The following IREB2 variants were observed in gnomAD, a reference collection of about 807,000 sequenced individuals.
IREB2 encodes iron-responsive element-binding protein 2.
IREB2 carries 39 observed loss-of-function variants against 118.8 expected under a neutral mutation model. The observed-to-expected ratio is 0.33, with a 90% CI of 0.25 to 0.43. The LOEUF is 0.43. Ranked by LOEUF, IREB2 falls within the 20% of genes least tolerant of loss-of-function variation. IREB2 has a pLI of 1.00. For missense variants in IREB2, 900 were observed against 1,147.3 expected, an observed-to-expected ratio of 0.78 and a Z score of 3.11; for synonymous variants, 372 against 392.2, an observed-to-expected ratio of 0.95 and a Z score of 0.61.
At chr15:78,496,030 G>T (rs1234272383) in intron 20 of IREB2, among the ~76,000 whole-genome samples, 1 of 152,200 alleles carries the variant, frequency 6.6e-6, no homozygotes, top group African/African-American at 2.4e-5. Context: ...CTTGTAACCT[G>T]TGTCCACGAG....
intron 18 of IREB2, among the ~76,000 whole-genome samples, chr15:78,491,736 T>C (rs2051754090): frequency 6.6e-6 from 1 of 152,168 alleles, no homozygotes; most frequent in South Asian, 2.1e-4. Context: ...GACCAAGTGA[T>C]CCGCCCACCT....
At chr15:78,469,659 G>C (rs1167294938) in intron 5 of IREB2, among the ~76,000 whole-genome samples, 3 of 152,028 alleles carry the variant, frequency 2.0e-5, no homozygotes, top group African/African-American at 7.2e-5. Flanking sequence ...GTAGGGCGGA[G>C]GTTGTAGTGA....
chr15:78,470,464 C>A, intron 5 of IREB2, 68 bp from the exon 6 acceptor site: 1 of 974,522 alleles, frequency 1.0e-6, no homozygotes, highest in Non-Finnish European at 1.6e-6. Context: ...AGAACGATGA[C>A]TTAGAAAGAA....
chr15:78,453,613 A>G (rs1290505153), intron 2 of IREB2, among the ~76,000 whole-genome samples: 1 of 152,242 alleles, frequency 6.6e-6, no homozygotes, highest in African/African-American at 2.4e-5. Context: ...GTTATCATTT[A>G]GTAGGAGGAA....
At chr15:78,479,107 C>G (rs753659546) in intron 10 of IREB2, among the ~76,000 whole-genome samples, 4 of 151,784 alleles carry the variant, frequency 2.6e-5, no homozygotes, top group African/African-American at 9.7e-5. Flanking sequence ...TTTAATATTA[C>G]TATTTTTTTA....
At position 78,498,159 on chromosome 15, in the gene IREB2, G is replaced by A. The variant is rs1351400671; in HGVS notation, c.*16G>A. On this transcript the variant is annotated 3_prime_UTR_variant, in exon 22 of 22. Transcript: ENST00000258886. ...ATTCTCATAGTATCTACTTACCATA[G>A]ATACCTTTCATAACTGGTAACTGCA... 1 of 1,409,188 alleles carries A rather than the reference G, an allele frequency of 7.1e-7. No homozygotes were observed. Among genetic ancestry groups the A allele is most frequent in the South Asian group, 1.2e-5 (1 of 86,556 alleles). The allele number at this position is 1,409,188 out of a possible 1,614,324, so 87.3% of individuals were successfully genotyped here.
At chr15:78,446,035 C>T (rs1365266006) in intron 2 of IREB2, among the ~76,000 whole-genome samples, 1 of 152,150 alleles carries the variant, frequency 6.6e-6, no homozygotes, top group Non-Finnish European at 1.5e-5. Flanking sequence ...CCTTCTGCCT[C>T]AGCCTCCCAA....
chr15:78,471,528 G>A (rs112394611), intron 6 of IREB2, among the ~76,000 whole-genome samples: 11 of 152,072 alleles, frequency 7.2e-5, no homozygotes, highest in African/African-American at 2.7e-4. Flanking sequence ...TGGACTTTTT[G>A]AACATTTTTA....
Position 78,498,092 on chromosome 15 carries a change from A to C in IREB2, c.2841A>C (p.Thr947=). The change falls in exon 22 of 22, where the codon ACA becomes ACC. Residue 947 remains threonine (T), a synonymous_variant. Transcript: ENST00000258886. ...CGTTTGAAGATGATGTGGAAATAAC[A>C]TTATACAAACATGGAGGATTATTAA... ...IASFEDDVEI[T]LYKHGGLLNF... is the part of the protein sequence containing the mutation. 6.2e-7 allele frequency: 1 copy of C among 1,613,304 alleles called. No individual in the cohort carries two copies. Among genetic ancestry groups the C allele is most frequent in the Non-Finnish European group, 8.5e-7 (1 of 1,179,238 alleles).
intron 12 of IREB2, 51 bp from the exon 13 acceptor site, chr15:78,485,654 G>C (rs762559706): frequency 1.3e-6 from 2 of 1,580,994 alleles, no homozygotes; most frequent in African/African-American, 1.4e-5. Context: ...ATATGGGTGA[G>C]AGAGGGAAAG....
chr15:78,475,342 G>A (rs1478425646), intron 8 of IREB2: 1 of 152,066 alleles, frequency 6.6e-6, no homozygotes, highest in Non-Finnish European at 1.5e-5. Flanking sequence ...AATTTTAGAA[G>A]GAATTAAGTT....
chr15:78,484,822 A>G lies in IREB2; in HGVS notation c.1475A>G (p.Tyr492Cys). 1.2e-6 allele frequency: 2 copies of G among 1,613,068 alleles called. No individual in the cohort carries two copies. Among genetic ancestry groups the G allele is most frequent in the Non-Finnish European group, 8.5e-7 (1 of 1,179,092 alleles). Residue 492 changes from tyrosine to cysteine, a missense_variant, in exon 12 of 22, where the codon TAT becomes TGT. By Grantham distance (194) the Tyr-to-Cys change is radical. Transcript: ENST00000258886. ...CAAAAGGATATTGTCTCCATTCATT[A>G]TGAAGGAAGTGAATATAAGCTGTCT... ...EKQKDIVSIHYEGSEYKLSHG... is the reference protein window; with the variant it reads ...EKQKDIVSIHCEGSEYKLSHG...
chr15:78,479,863 G>A (rs951297117), intron 10 of IREB2, among the ~76,000 whole-genome samples: 5 of 151,076 alleles, frequency 3.3e-5, no homozygotes, highest in Non-Finnish European at 5.9e-5. Context: ...CAAGGCTGCA[G>A]TGAGCTGTGG....
At chr15:78,483,785 C>CTTT (rs1159977288) in intron 11 of IREB2, among the ~76,000 whole-genome samples, 1 of 140,540 alleles carries the variant, frequency 7.1e-6, no homozygotes, top group African/African-American at 2.6e-5. Context: ...ATCACAGAAA[C>CTTT]TTTTTTTTTT....
intron 2 of IREB2, among the ~76,000 whole-genome samples, chr15:78,448,311 AT>A (rs1567162896): frequency 6.6e-6 from 1 of 151,856 alleles, no homozygotes; most frequent in African/African-American, 2.4e-5. Flanking sequence ...CGCCCGGCTG[AT>A]TTCTATATTT....
intron 2 of IREB2, among the ~76,000 whole-genome samples, chr15:78,445,600 G>C (rs140205483): frequency 6.6e-6 from 1 of 152,322 alleles, no homozygotes; most frequent in East Asian, 1.9e-4. Flanking sequence ...TCACTTAAAG[G>C]CTGCCTGGTT....
chr15:78,440,001 A>T, intron 2 of IREB2, 120 bp downstream of exon 2: 1 of 634,784 alleles, frequency 1.6e-6, no homozygotes, highest in Middle Eastern at 2.6e-4. Context: ...GTACACCTAC[A>T]CATACCTATA....
At chr15:78,490,380 T>C in intron 16 of IREB2, 42 bp from the exon 17 acceptor site, 1 of 1,336,596 alleles carries the variant, frequency 7.5e-7, no homozygotes, top group Non-Finnish European at 1.0e-6. Flanking sequence ...TCTGAGTCCT[T>C]TTATCTTTGC....
upstream of IREB2, chr15:78,438,130 C>G: frequency 3.5e-6 from 2 of 568,622 alleles, no homozygotes; most frequent in Non-Finnish European, 6.4e-6. Flanking sequence ...CTTTGTTTTC[C>G]TGTCCGACGA....
Sources: gnomAD v4.1 joint callset for allele counts (sites outside exome capture counted in the v4.1 genomes callset) on GRCh38, gnomAD v4.1.1 for gene constraint, MANE v1.5 for transcripts, NCBI Gene and HGNC (gene_info 2026-07-23, HGNC 2026-07-21) for gene names.